Variants in APBB2 observed in about 807,000 individuals in gnomAD.
APBB2 encodes amyloid beta precursor protein binding family B member 2.
Under a neutral mutation model 82.5 loss-of-function variants are expected in APBB2, and 38 were observed. The observed-to-expected ratio is 0.46, with a 90% CI of 0.36 to 0.60. APBB2 has a LOEUF of 0.60. Ranked by LOEUF, APBB2 falls within the 20% of genes least tolerant of loss-of-function variation. APBB2 has a pLI of 0.00. For missense variants in APBB2, 772 were observed against 972.3 expected, an observed-to-expected ratio of 0.79 and a Z score of 2.74; for synonymous variants, 341 against 368.2, an observed-to-expected ratio of 0.93 and a Z score of 0.85.
chr4:41,175,917 A>G (rs1769641870), intron 1 of APBB2, among the ~76,000 whole-genome samples: 1 of 152,198 alleles, frequency 6.6e-6, no homozygotes, highest in Admixed American at 6.5e-5. Context: ...AACTGTGTAG[A>G]TCATGCATCA....
intron 3 of APBB2, among the ~76,000 whole-genome samples, chr4:41,069,248 T>G (rs1044193759): frequency 6.6e-6 from 1 of 152,222 alleles, no homozygotes; most frequent in Non-Finnish European, 1.5e-5. Flanking sequence ...CCACTGAGAC[T>G]TCCTAGCTGC....
At chr4:41,165,422 T>C (rs1766254193) in intron 1 of APBB2, among the ~76,000 whole-genome samples, 1 of 152,178 alleles carries the variant, frequency 6.6e-6, no homozygotes, top group Non-Finnish European at 1.5e-5. Flanking sequence ...CCATGAGTAC[T>C]ACATCCCTAG....
At chr4:40,986,500 C>A (rs1257226259) in intron 6 of APBB2, among the ~76,000 whole-genome samples, 2 of 152,226 alleles carry the variant, frequency 1.3e-5, no homozygotes, top group Non-Finnish European at 2.9e-5. Flanking sequence ...CACACATACT[C>A]ATTTGCCTGG....
chr4:40,950,826 G>C (rs1227841255), intron 6 of APBB2, among the ~76,000 whole-genome samples: 3 of 151,404 alleles, frequency 2.0e-5, no homozygotes, highest in African/African-American at 7.3e-5. Flanking sequence ...TTGGGTGACA[G>C]AGCAAGACTC....
chr4:40,851,732 A>ATTTT (rs1176193029), intron 12 of APBB2, among the ~76,000 whole-genome samples: 1 of 32,740 alleles, frequency 3.1e-5, no homozygotes, highest in African/African-American at 1.2e-4. Context: ...ATATATATAT[A>ATTTT]TATATATTTT....
rs1744120428 is a variant in APBB2 at position 40,810,074 on chromosome 4, A to G, written c.*6018T>C. The G allele has an allele frequency of 6.6e-6, 1 of 152,200 alleles. No homozygotes were observed. Among genetic ancestry groups the G allele is most frequent in the Non-Finnish European group, 1.5e-5 (1 of 68,032 alleles). 9.4% of individuals were successfully genotyped at this position (152,200 alleles called of 1,614,324 possible). The stretch of plus-strand genomic sequence containing the variant: ...ATTTTTGCAATTCAGTTGTATAGAA[A>G]TGTTACATAAATTCCTAAATGCTCA... On this transcript the variant is annotated 3_prime_UTR_variant, in exon 18 of 18. Transcript: ENST00000508593.
intron 2 of APBB2, among the ~76,000 whole-genome samples, chr4:41,132,365 T>C (rs1240698632): frequency 6.6e-6 from 1 of 152,124 alleles, no homozygotes; most frequent in Non-Finnish European, 1.5e-5. Flanking sequence ...GGGTTTTAAT[T>C]AAGAGAAAAG....
chr4:41,092,226 TAAAAGG>T (rs1012479753), intron 3 of APBB2, among the ~76,000 whole-genome samples: 9 of 152,116 alleles, frequency 5.9e-5, no homozygotes, highest in Non-Finnish European at 1.2e-4. Context: ...AGTTCACAAG[TAAAAGG>T]AAAAGTTATA....
chr4:41,025,938 T>C (rs527458384), intron 5 of APBB2, among the ~76,000 whole-genome samples: 2 of 107,420 alleles, frequency 1.9e-5, no homozygotes, highest in East Asian at 5.3e-4. Context: ...TGAGACTCCA[T>C]CTCCACAAAA....
intron 3 of APBB2, among the ~76,000 whole-genome samples, chr4:41,092,749 T>TA (rs1437819931): frequency 1.3e-5 from 2 of 152,076 alleles, no homozygotes; most frequent in African/African-American, 4.8e-5. Context: ...TGCTTGCTCT[T>TA]ACAGCAATCT....
At chr4:41,201,452 T>C (rs1426278453) in intron 1 of APBB2, among the ~76,000 whole-genome samples, 1 of 152,190 alleles carries the variant, frequency 6.6e-6, no homozygotes, top group Non-Finnish European at 1.5e-5. Flanking sequence ...AAACAAAATA[T>C]GAAAAGTGGC....
chr4:41,078,597 C>A (rs1371467583), intron 3 of APBB2, among the ~76,000 whole-genome samples: 2 of 152,164 alleles, frequency 1.3e-5, no homozygotes, highest in East Asian at 1.9e-4. Context: ...ATGCCTAAAT[C>A]TTCACACCTC....
At chr4:41,199,675 C>G (rs866144244) in intron 1 of APBB2, among the ~76,000 whole-genome samples, 2 of 152,112 alleles carry the variant, frequency 1.3e-5, no homozygotes, top group Non-Finnish European at 2.9e-5. Flanking sequence ...AGATTACATG[C>G]AACTTTCAAA....
chr4:41,161,854 T>C (rs879494839), intron 1 of APBB2, among the ~76,000 whole-genome samples: 32 of 152,186 alleles, frequency 2.1e-4, no homozygotes, highest in Non-Finnish European at 2.9e-4. Context: ...TTATTTTTTT[T>C]CCGCTTATTA....
chr4:41,004,339 G>A (rs2154422500), intron 6 of APBB2, among the ~76,000 whole-genome samples: 1 of 152,302 alleles, frequency 6.6e-6, no homozygotes, highest in Non-Finnish European at 1.5e-5. Context: ...AAGGTTTGGA[G>A]TGGGCTTTAT....
At chr4:40,887,200 G>A (rs6822284) in intron 12 of APBB2, among the ~76,000 whole-genome samples, 1 of 152,166 alleles carries the variant, frequency 6.6e-6, no homozygotes, top group African/African-American at 2.4e-5. Flanking sequence ...ACTCATTCCC[G>A]AAGGAATTTC....
In APBB2 at chr4:40,830,452, A is replaced by G; in HGVS notation, c.1644+11T>C. ...GAGAGAGGCGGCCCATACTGCCCTG[A>G]CCCACCTTACCTTGGAGCAGATCTC... On this transcript the variant is annotated intron_variant, in intron 13 of 17. Coordinates refer to ENST00000508593, the MANE Select transcript of APBB2 (RefSeq NM_004307.2). The G allele has an allele frequency of 6.2e-7, 1 of 1,601,080 alleles. No homozygotes were observed. Among genetic ancestry groups the G allele is most frequent in the Non-Finnish European group, 8.6e-7 (1 of 1,168,152 alleles).
At chr4:41,140,845 C>T (rs537766967) in intron 2 of APBB2, among the ~76,000 whole-genome samples, 1 of 152,286 alleles carries the variant, frequency 6.6e-6, no homozygotes, top group Admixed American at 6.5e-5. Context: ...TCATGATCTG[C>T]CACTGTCTCC....
rs1752396302 is a variant in APBB2, at chr4:40,832,556, C to T, written c.1530-1979G>A. Among the ~76,000 whole-genome samples, 1 of 152,196 alleles carries T rather than the reference C, an allele frequency of 6.6e-6. No individual in the cohort carries two copies. Among genetic ancestry groups the T allele is most frequent in the South Asian group, 2.1e-4 (1 of 4,830 alleles). The stretch of plus-strand genomic sequence containing the variant: ...CAATCCCCACATTCGTCCTGTTTCA[C>T]CTCCTGGAAATTTCTGGCATCCATC... On this transcript the variant is annotated intron_variant, in intron 12 of 17. Coordinates refer to ENST00000508593, the MANE Select transcript of APBB2 (RefSeq NM_004307.2). This position sits in a 1 kb window ranked among gnomAD's most constrained non-coding sequence, Gnocchi z 4.8.
Sources: gnomAD v4.1 joint callset for allele counts (sites outside exome capture counted in the v4.1 genomes callset) on GRCh38, gnomAD v4.1.1 for gene constraint, Gnocchi (gnomAD v3.1) non-coding constraint, MANE v1.5 for transcripts, NCBI Gene and HGNC (gene_info 2026-07-23, HGNC 2026-07-21) for gene names.